XYLT1: variants seen among roughly 807,000 people sequenced by gnomAD.
XYLT1 encodes xylosyltransferase 1.
A neutral mutation model predicts 91.3 loss-of-function variants in XYLT1; 36 were observed. The observed-to-expected ratio is 0.39, with a 90% CI of 0.30 to 0.52. XYLT1 has a LOEUF of 0.52. XYLT1 is among the 20% of genes least tolerant of loss of function. XYLT1 has a pLI of 0.68. For synonymous variants in XYLT1, 588 were observed against 532.0 expected (o/e 1.11, Z -1.45); for missense variants, 1,242 against 1,284.5 (o/e 0.97, Z 0.51).
chr16:17,207,052 C>CTTTTTTTT (rs1211378641), intron 3 of XYLT1, among the ~76,000 whole-genome samples: 16 of 121,082 alleles, frequency 1.3e-4, no homozygotes, highest in Non-Finnish European at 1.9e-4. Flanking sequence ...TCTTTTCTTT[C>CTTTTTTTT]TTTTTTTTTT....
chr16:17,237,321 G>A (rs80247224), intron 3 of XYLT1, among the ~76,000 whole-genome samples: 1 of 152,066 alleles, frequency 6.6e-6, no homozygotes, highest in African/African-American at 2.4e-5. Flanking sequence ...ATACATTAGA[G>A]AAACTATTAA....
chr16:17,293,061 G>C (rs2034254870), intron 2 of XYLT1, among the ~76,000 whole-genome samples: 1 of 152,186 alleles, frequency 6.6e-6, no homozygotes, highest in African/African-American at 2.4e-5. Flanking sequence ...GCAGCTACAA[G>C]CAAAGAGAGT....
At chr16:17,280,967 A>T (rs1463104578) in intron 2 of XYLT1, among the ~76,000 whole-genome samples, 3 of 152,200 alleles carry the variant, frequency 2.0e-5, no homozygotes, top group Non-Finnish European at 4.4e-5. Flanking sequence ...CACAAAATGC[A>T]GATGCCCAGG....
At position 17,427,627 on chromosome 16, in the gene XYLT1, A is replaced by C. The variant is rs12448038; in HGVS notation, c.363+42807T>G. Among the ~76,000 whole-genome samples, 1,033 of 152,218 alleles carry C rather than the reference A, an allele frequency of 6.8e-3. 7 individuals carry two copies. Among genetic ancestry groups the C allele is most frequent in the Middle Eastern group, 0.027 (8 of 292 alleles). ...ATGCGTCACCCCACATCCCCAACAC[A>C]AGGTTGCCCAAATGTGCACAGAAGA... On this transcript the variant is annotated intron_variant, in intron 1 of 11. Transcript: ENST00000261381.
Position 17,312,107 on chromosome 16 carries a change from C to T in XYLT1, c.402+45905G>A, listed in dbSNP as rs2034560989. Among the ~76,000 whole-genome samples the T allele has an allele frequency of 6.6e-6, 1 of 152,082 alleles. No homozygotes were observed. Among genetic ancestry groups the T allele is most frequent in the Admixed American group, 6.6e-5 (1 of 15,262 alleles). On this transcript the variant is annotated intron_variant, in intron 2 of 11. Transcript: ENST00000261381. This position sits in a 1 kb window ranked among gnomAD's most constrained non-coding sequence, Gnocchi z 4.4. The stretch of plus-strand genomic sequence containing the variant: ...CCTTCTAGAAGAGTCAAGGTGTGAG[C>T]TGGAGGATGAAAAAGAGCTTGCCGA...
intron 2 of XYLT1, among the ~76,000 whole-genome samples, chr16:17,286,584 T>C (rs1441955802): frequency 2.6e-5 from 4 of 152,230 alleles, no homozygotes; most frequent in Admixed American, 6.5e-5. Flanking sequence ...ACTCATTAGC[T>C]AGCCACACTT....
chr16:17,318,848 C>T (rs565336956), intron 2 of XYLT1, among the ~76,000 whole-genome samples: 1 of 150,324 alleles, frequency 6.7e-6, no homozygotes, highest in South Asian at 2.1e-4. Context: ...AGGGCAGTGG[C>T]ACGATCTCAG....
chr16:17,280,136 A>G (rs1427808589), intron 2 of XYLT1, among the ~76,000 whole-genome samples: 1 of 152,214 alleles, frequency 6.6e-6, no homozygotes, highest in African/African-American at 2.4e-5. Flanking sequence ...AGATGACTTG[A>G]GGTCAGGAGT....
At chr16:17,149,556 C>G (rs1318586356) in intron 6 of XYLT1, among the ~76,000 whole-genome samples, 2 of 152,160 alleles carry the variant, frequency 1.3e-5, no homozygotes, top group African/African-American at 4.8e-5. Context: ...AAAATAAAGT[C>G]ATGGAATAAA....
intron 2 of XYLT1, among the ~76,000 whole-genome samples, chr16:17,319,144 C>T (rs1952942137): frequency 6.6e-6 from 1 of 152,000 alleles, no homozygotes; most frequent in Non-Finnish European, 1.5e-5. Flanking sequence ...TTTTAAGCCT[C>T]AGTTTTCAAG....
chr16:17,404,246 C>A lies in XYLT1; in HGVS notation c.364-46196G>T, dbSNP rs1037815040. ...TGATGAAACCAAAAGAGTCTCAGAT[C>A]CTGTCCCTTTTCCTCCTCAGAACTC... is the stretch of plus-strand genomic sequence containing the variant. On this transcript the variant is annotated intron_variant, in intron 1 of 11. Coordinates refer to ENST00000261381, the MANE Select transcript of XYLT1 (RefSeq NM_022166.4). Among the ~76,000 whole-genome samples the A allele has an allele frequency of 3.3e-5, 5 of 152,186 alleles. No homozygotes were observed. In the South Asian group the frequency reaches 1.0e-3, roughly 32 times the overall value.
At position 17,104,339 on chromosome 16, in the gene XYLT1, G is replaced by C. The variant is rs536640118; in HGVS notation, c.*4356C>G. The C allele has an allele frequency of 6.6e-6, 1 of 152,264 alleles. No individual in the cohort carries two copies. The highest frequency in any genetic ancestry group is 1.5e-5 in the Non-Finnish European group (1 of 68,090). 9.4% of individuals were successfully genotyped at this position (152,264 alleles called of 1,614,324 possible). On this transcript the variant is annotated 3_prime_UTR_variant, in exon 12 of 12. Transcript: ENST00000261381. ...GATGTGGACCTCTGCATATCTAAGG[G>C]GCAGCAGTCCAGATCTCCAGATTCT...
At chr16:17,205,166 G>A (rs934263339) in intron 3 of XYLT1, among the ~76,000 whole-genome samples, 1 of 152,160 alleles carries the variant, frequency 6.6e-6, no homozygotes, top group Non-Finnish European at 1.5e-5. Flanking sequence ...GAGGATGATG[G>A]GGGGTCCCGG....
At chr16:17,217,996 G>A (rs574167317) in intron 3 of XYLT1, among the ~76,000 whole-genome samples, 2 of 151,838 alleles carry the variant, frequency 1.3e-5, no homozygotes, top group African/African-American at 2.4e-5. Flanking sequence ...GGGTCCAGGC[G>A]CAGCGGTTCA....
At chr16:17,256,643 C>T (rs145500343) in intron 3 of XYLT1, among the ~76,000 whole-genome samples, 2,120 of 143,408 alleles carry the variant, frequency 0.015, 100 homozygotes, top group Admixed American at 0.1. Context: ...AGTGAGACTC[C>T]GTCTCGAAAA....
At chr16:17,376,647 T>C (rs1445479047) in intron 1 of XYLT1, among the ~76,000 whole-genome samples, 1 of 151,930 alleles carries the variant, frequency 6.6e-6, no homozygotes, top group Non-Finnish European at 1.5e-5. Context: ...ACCAAGATGG[T>C]GAAACCCCGT....
intron 10 of XYLT1, among the ~76,000 whole-genome samples, chr16:17,125,068 CTTAA>C (rs1258635058): frequency 2.0e-5 from 3 of 152,122 alleles, no homozygotes; most frequent in Non-Finnish European, 2.9e-5. Context: ...AGTCGAACTT[CTTAA>C]TTGTTTTTCT....
At chr16:17,338,341 CA>C in intron 2 of XYLT1, 1 of 456,522 alleles carries the variant, frequency 2.2e-6, no homozygotes, top group Non-Finnish European at 4.4e-6. Flanking sequence ...ATGTGGTCTA[CA>C]GTACCTGGGC....
intron 5 of XYLT1, among the ~76,000 whole-genome samples, chr16:17,174,125 G>A (rs1401125100): frequency 6.6e-6 from 1 of 152,186 alleles, no homozygotes; most frequent in African/African-American, 2.4e-5. Context: ...TGGCCCTCCA[G>A]AGGGTGGCCA....
Sources: gnomAD v4.1 joint callset for allele counts (sites outside exome capture counted in the v4.1 genomes callset) on GRCh38, gnomAD v4.1.1 for gene constraint, Gnocchi (gnomAD v3.1) non-coding constraint, MANE v1.5 for transcripts, NCBI Gene and HGNC (gene_info 2026-07-23, HGNC 2026-07-21) for gene names.